Variants in LARGE1 observed in about 807,000 individuals in gnomAD.
LARGE1 encodes LARGE xylosyl- and glucuronyltransferase 1.
In LARGE1, 43 loss-of-function variants were observed where a neutral mutation model predicts 87.6. That is an observed-to-expected ratio of 0.49 (90% CI 0.38 to 0.63). LARGE1 has a LOEUF of 0.63. Among genes scored for constraint, LARGE1 ranks in the 30% least tolerant of loss-of-function variants. The probability of loss-of-function intolerance (pLI) is 0.00; values close to 1 mark genes in which losing one functional copy is unlikely to be tolerated. For missense variants in LARGE1, 802 were observed against 1,000.2 expected (o/e 0.80, Z 2.67); for synonymous variants, 434 against 394.6 (o/e 1.10, Z -1.18).
intron 10 of LARGE1, among the ~76,000 whole-genome samples, chr22:33,319,270 C>T (rs555308953): frequency 2.4e-4 from 36 of 152,274 alleles, no homozygotes; most frequent in African/African-American, 8.7e-4. Context: ...GTGTTTCTTG[C>T]ACCCCTACCA....
At chr22:33,229,027 T>C (rs1036297531) in intron 11 of LARGE1, among the ~76,000 whole-genome samples, 5 of 152,070 alleles carry the variant, frequency 3.3e-5, no homozygotes, top group Admixed American at 2.0e-4. Context: ...AGTGAGAAAA[T>C]AAAGTTACCA....
At chr22:33,342,539 T>C (rs888340595) in intron 9 of LARGE1, among the ~76,000 whole-genome samples, 1 of 152,218 alleles carries the variant, frequency 6.6e-6, no homozygotes, top group Non-Finnish European at 1.5e-5. Flanking sequence ...GGTTCTTAAC[T>C]ACTATTATAT....
chr22:33,321,016 C>T (rs1375325965), intron 10 of LARGE1: 2 of 152,238 alleles, frequency 1.3e-5, no homozygotes, highest in African/African-American at 4.8e-5. Flanking sequence ...CTGGTTCTAA[C>T]CCATTCTGCC....
At position 33,361,760 on chromosome 22, in the gene LARGE1, G is replaced by GTCCCTCCTCTTTAGA. The variant is rs779009127; in HGVS notation, c.1131+20158_1131+20159insTCTAAAGAGGAGGGA. ...CTCTTTAGAGTCCCTCCTCTTTAGA[G>GTCCCTCCTCTTTAGA]TCCCTCCTCTTGCTCTGTTAGGCTC... On this transcript the variant is annotated intron_variant, in intron 9 of 14. Transcript: ENST00000397394. Among the ~76,000 whole-genome samples the GTCCCTCCTCTTTAGA allele has an allele frequency of 3.4e-3, 507 of 149,458 alleles. 29 individuals carry two copies. The highest frequency in any genetic ancestry group is 0.01 in the Middle Eastern group (3 of 286).
At chr22:33,499,094 T>C (rs1205390082) in intron 6 of LARGE1, among the ~76,000 whole-genome samples, 1 of 152,238 alleles carries the variant, frequency 6.6e-6, no homozygotes. Flanking sequence ...GACAGACATC[T>C]GGAGCAGCCT....
chr22:33,411,581 A>C (rs1360667663), intron 7 of LARGE1, among the ~76,000 whole-genome samples: 1 of 152,244 alleles, frequency 6.6e-6, no homozygotes, highest in Non-Finnish European at 1.5e-5. Flanking sequence ...ATCAGAATTT[A>C]AAATATCCAT....
chr22:33,229,668 T>A (rs372238053), intron 11 of LARGE1, among the ~76,000 whole-genome samples: 2 of 152,088 alleles, frequency 1.3e-5, no homozygotes, highest in Non-Finnish European at 2.9e-5. Flanking sequence ...TCTTACAGGA[T>A]GTTCAGAAAA....
chr22:33,312,840 T>A (rs752969440), intron 11 of LARGE1, among the ~76,000 whole-genome samples: 3 of 152,186 alleles, frequency 2.0e-5, no homozygotes, highest in Non-Finnish European at 4.4e-5. Context: ...CCATTTTCTT[T>A]TTACTATAAA....
Position 33,303,807 on chromosome 22 carries a change from T to TG in LARGE1, c.1730+421_1730+422insC, listed in dbSNP as rs1569032363. On this transcript the variant is annotated intron_variant, in intron 12 of 14. Coordinates refer to ENST00000397394, the MANE Select transcript of LARGE1 (RefSeq NM_133642.5). ...CAGCTAATTTTTTTGGTATTTTTAG[T>TG]AGGGGGGGGGTTTCACCATGTTGGC... 3.8e-3 allele frequency among the ~76,000 whole-genome samples: 441 copies of TG among 117,518 alleles called. 3 individuals are homozygous for TG. Among genetic ancestry groups the TG allele is most frequent in the African/African-American group, 0.02 (411 of 20,144 alleles). 77.1% of individuals were successfully genotyped at this position (117,518 alleles called of 152,430 possible).
intron 10 of LARGE1, among the ~76,000 whole-genome samples, chr22:33,337,416 C>T (rs1276687199): frequency 1.3e-5 from 2 of 152,130 alleles, no homozygotes; most frequent in South Asian, 2.1e-4. Flanking sequence ...TCACTTCTGA[C>T]TTCACCTCGT....
intron 11 of LARGE1, among the ~76,000 whole-genome samples, chr22:33,185,473 A>T (rs1311255178): frequency 6.6e-6 from 1 of 152,222 alleles, no homozygotes; most frequent in Admixed American, 6.5e-5. Context: ...AAACTATAAC[A>T]GTGAATCCAA....
intron 2 of LARGE1, among the ~76,000 whole-genome samples, chr22:33,753,521 G>A (rs1038303607): frequency 7.2e-5 from 11 of 152,160 alleles, no homozygotes; most frequent in African/African-American, 2.4e-4. Flanking sequence ...CTCTGGAACT[G>A]TAAGATAATA....
intron 4 of LARGE1, 42 bp from the exon 5 acceptor site, chr22:33,604,600 G>A (rs934625515): frequency 9.3e-6 from 15 of 1,613,206 alleles, no homozygotes; most frequent in African/African-American, 4.0e-5. Flanking sequence ...GGAGAGGTAC[G>A]GCTCTTTGAA....
At chr22:33,532,367 G>C (rs1354477935) in intron 6 of LARGE1, among the ~76,000 whole-genome samples, 3 of 152,170 alleles carry the variant, frequency 2.0e-5, no homozygotes, top group Non-Finnish European at 4.4e-5. Context: ...GTCCCCACAG[G>C]ATCTAGGTTG....
Position 33,784,522 on chromosome 22 carries a change from T to C in LARGE1, c.-82-22964A>G, listed in dbSNP as rs556064818. ...TCGCTTAAATTTGAGGGAACAAAAA[T>C]GGAAGGTAAGGATTTCTAGTGCCCT... is the stretch of plus-strand genomic sequence containing the variant. On this transcript the variant is annotated intron_variant, in intron 1 of 14. Coordinates refer to ENST00000397394, the MANE Select transcript of LARGE1 (RefSeq NM_133642.5). Among the ~76,000 whole-genome samples the C allele has an allele frequency of 1.8e-3, 271 of 152,218 alleles. 1 individual carries two copies. The highest frequency in any genetic ancestry group is 3.3e-3 in the Non-Finnish European group (221 of 67,998).
Position 33,563,617 on chromosome 22 carries a change from C to T in LARGE1, c.787+1231G>A, listed in dbSNP as rs1200562717. Among the ~76,000 whole-genome samples, 5 of 152,312 alleles carry T rather than the reference C, an allele frequency of 3.3e-5. No individual in the cohort carries two copies. The East Asian group carries it at 9.6e-4, about 29-fold the overall frequency. ...CAAGACACGGGCACTCTGATCTCAACTCTGGGAAAAGCCTGCATCCCTCTA... is the reference window on the plus strand; with the variant it reads ...CAAGACACGGGCACTCTGATCTCAATTCTGGGAAAAGCCTGCATCCCTCTA... On this transcript the variant is annotated intron_variant, in intron 6 of 14. Coordinates refer to ENST00000397394, the MANE Select transcript of LARGE1 (RefSeq NM_133642.5).
At chr22:33,089,065 C>T in the LARGE1 span, among the ~76,000 whole-genome samples, 1 of 152,148 alleles carries the variant, frequency 6.6e-6, no homozygotes, top group African/African-American at 2.4e-5. Context: ...CCTCTGGGTT[C>T]CAACAGTATC....
At chr22:33,203,844 G>A (rs182419869) in intron 11 of LARGE1, among the ~76,000 whole-genome samples, 8 of 152,140 alleles carry the variant, frequency 5.3e-5, no homozygotes, top group South Asian at 4.2e-4. Flanking sequence ...ACCACTCCCC[G>A]GACCTTACCC....
At chr22:33,379,779 T>C (rs1427925804) in intron 9 of LARGE1, among the ~76,000 whole-genome samples, 1 of 152,210 alleles carries the variant, frequency 6.6e-6, no homozygotes, top group Non-Finnish European at 1.5e-5. Context: ...CTCTGATCAC[T>C]TGGTCTTTCC....
Sources: allele counts gnomAD v4.1 joint callset (sites outside exome capture counted in the v4.1 genomes callset), GRCh38; gene constraint gnomAD v4.1.1; transcripts MANE v1.5; gene names NCBI Gene and HGNC (gene_info 2026-07-23, HGNC 2026-07-21).